Variants in NUDCD3 observed in about 807,000 individuals in gnomAD.
NUDCD3 encodes the protein NudC domain containing 3.
NUDCD3 carries 13 observed loss-of-function variants against 39.7 expected under a neutral mutation model. The observed-to-expected ratio is 0.33, with a 90% confidence interval of 0.21 to 0.52. The LOEUF is 0.52. NUDCD3 is among the 20% of genes least tolerant of loss of function. The pLI, the probability that NUDCD3 is intolerant of heterozygous loss-of-function variation, is 0.96. For missense variants in NUDCD3, 453 were observed against 458.1 expected (o/e 0.99, Z 0.10); for synonymous variants, 175 against 172.4 (o/e 1.02, Z -0.12).
intron 2 of NUDCD3, among the ~76,000 whole-genome samples, chr7:44,448,778 A>AAG (rs760907160): frequency 8.6e-5 from 13 of 151,996 alleles, no homozygotes; most frequent in Non-Finnish European, 1.8e-4. Context: ...AGAATACAGA[A>AAG]AGAGAGAGAG....
intron 2 of NUDCD3, among the ~76,000 whole-genome samples, chr7:44,464,834 A>T (rs1025643935): frequency 6.6e-6 from 1 of 152,158 alleles, no homozygotes; most frequent in Non-Finnish European, 1.5e-5. Flanking sequence ...TCCCCATTCC[A>T]GCTTTTAGAT....
chr7:44,449,867 A>C (rs1434846189), intron 2 of NUDCD3, among the ~76,000 whole-genome samples: 9 of 151,782 alleles, frequency 5.9e-5, no homozygotes, highest in African/African-American at 2.2e-4. Context: ...AAAAAAAAAA[A>C]AACTGATACA....
At chr7:44,443,745 G>C (rs1799636862) in intron 2 of NUDCD3, among the ~76,000 whole-genome samples, 2 of 152,142 alleles carry the variant, frequency 1.3e-5, no homozygotes, top group African/African-American at 4.8e-5. Flanking sequence ...GCTGGATGCT[G>C]TTTAGGCTGA....
chr7:44,441,982 A>T (rs1316460663), intron 2 of NUDCD3, among the ~76,000 whole-genome samples: 1 of 152,094 alleles, frequency 6.6e-6, no homozygotes, highest in Non-Finnish European at 1.5e-5. Context: ...CCTCCAACTC[A>T]CTGTGCCCTT....
At chr7:44,386,663 G>A (rs879228588) in intron 5 of NUDCD3, among the ~76,000 whole-genome samples, 2 of 152,194 alleles carry the variant, frequency 1.3e-5, no homozygotes, top group Non-Finnish European at 2.9e-5. Context: ...TGGCACGGAG[G>A]AAGAAACCTC....
At position 44,404,436 on chromosome 7, in the gene NUDCD3, T is replaced by A. The variant is rs1188214666; in HGVS notation, c.786+4A>T. On this transcript the variant is annotated splice_donor_region_variant and intron_variant, in intron 4 of 5. Coordinates refer to ENST00000355451, the MANE Select transcript of NUDCD3 (RefSeq NM_015332.4). ...GAGCCCTACACACAGGTGCCCAAAC[T>A]TACCAAAACGCACTTCCCGGGCTCG... is the stretch of plus-strand genomic sequence containing the variant. 1 of 1,613,120 alleles carries A rather than the reference T, an allele frequency of 6.2e-7. No individual in the cohort carries two copies. Among genetic ancestry groups the A allele is most frequent in the African/African-American group, 1.3e-5 (1 of 74,712 alleles).
chr7:44,404,518 G>C lies in NUDCD3; in HGVS notation c.708C>G (p.Val236=). 1.9e-6 allele frequency: 3 copies of C among 1,613,960 alleles called. No homozygotes were observed. Among genetic ancestry groups the C allele is most frequent in the Non-Finnish European group, 2.5e-6 (3 of 1,179,984 alleles). Residue 236 remains valine (V), a synonymous_variant, in exon 4 of 6, where the codon GTC becomes GTG. Transcript: ENST00000355451. ...TGTGGGTGAGCTTCCCTTCCATGAG[G>C]ACGCGCTCCCCATTTTCCTCCAGCA... ...VAMLEENGER[V]LMEGKLTHKI...
At chr7:44,418,409 A>G (rs2062939643) in intron 3 of NUDCD3, among the ~76,000 whole-genome samples, 1 of 152,242 alleles carries the variant, frequency 6.6e-6, no homozygotes, top group African/African-American at 2.4e-5. Context: ...AGGGAAAAGC[A>G]TAAGGTTTAG....
At chr7:44,484,690 G>C (rs1291071059) in intron 2 of NUDCD3, 1 of 357,234 alleles carries the variant, frequency 2.8e-6, no homozygotes, top group Non-Finnish European at 5.1e-6. Context: ...GATAAAGTTA[G>C]GTCTTTGTGA....
At chr7:44,488,089 C>A (rs1357235989) in intron 1 of NUDCD3, among the ~76,000 whole-genome samples, 1 of 152,158 alleles carries the variant, frequency 6.6e-6, no homozygotes, top group Non-Finnish European at 1.5e-5. Context: ...GTAATCCTAG[C>A]ACTTTAGGAG....
intron 4 of NUDCD3, among the ~76,000 whole-genome samples, chr7:44,399,752 T>A (rs1798686417): frequency 6.6e-6 from 1 of 152,146 alleles, no homozygotes; most frequent in Non-Finnish European, 1.5e-5. Context: ...GAGGCTGCAG[T>A]TACACTAGAA....
At chr7:44,453,878 G>A (rs562732080) in intron 2 of NUDCD3, among the ~76,000 whole-genome samples, 23 of 151,974 alleles carry the variant, frequency 1.5e-4, no homozygotes, top group East Asian at 3.9e-4. Context: ...GCCCCATCTC[G>A]ACAAAAATAA....
At chr7:44,397,209 G>A (rs116059993) in intron 4 of NUDCD3, among the ~76,000 whole-genome samples, 135 of 152,314 alleles carry the variant, frequency 8.9e-4, no homozygotes, top group African/African-American at 3.0e-3. Context: ...CCTCCTTTGA[G>A]TGTGGGGACT....
intron 2 of NUDCD3, among the ~76,000 whole-genome samples, chr7:44,442,530 G>A (rs1339280981): frequency 6.6e-6 from 1 of 152,098 alleles, no homozygotes; most frequent in Admixed American, 6.5e-5. Context: ...TCAGCCCCAC[G>A]AGGGCTGAAG....
chr7:44,453,431 G>A (rs983068316), intron 2 of NUDCD3, among the ~76,000 whole-genome samples: 2 of 152,042 alleles, frequency 1.3e-5, no homozygotes, highest in African/African-American at 4.8e-5. Context: ...GGTTTCTTTG[G>A]AAGATAAGCT....
At chr7:44,402,224 CA>C (rs1280874084) in intron 4 of NUDCD3, among the ~76,000 whole-genome samples, 1 of 152,178 alleles carries the variant, frequency 6.6e-6, no homozygotes, top group Admixed American at 6.5e-5. Flanking sequence ...AATAAGTTTG[CA>C]GAGAATTAAA....
intron 2 of NUDCD3, among the ~76,000 whole-genome samples, chr7:44,474,817 G>A (rs1218557904): frequency 6.6e-6 from 1 of 152,138 alleles, no homozygotes; most frequent in East Asian, 1.9e-4. Context: ...AAATCGCTTG[G>A]AGGCTTCTTA....
At chr7:44,478,180 A>T (rs890631489) in intron 2 of NUDCD3, among the ~76,000 whole-genome samples, 1 of 152,228 alleles carries the variant, frequency 6.6e-6, no homozygotes, top group African/African-American at 2.4e-5. Context: ...ATATAAGCAC[A>T]TTCTCTGATG....
chr7:44,484,932 C>T (rs1800572693), intron 2 of NUDCD3, 36 bp downstream of exon 2: 1 of 1,489,406 alleles, frequency 6.7e-7, no homozygotes, highest in African/African-American at 1.4e-5. Flanking sequence ...AGATGTTACG[C>T]AAGAAAGAAG....
Sources: gnomAD v4.1 joint callset for allele counts (sites outside exome capture counted in the v4.1 genomes callset) on GRCh38, gnomAD v4.1.1 for gene constraint, MANE v1.5 for transcripts, NCBI Gene and HGNC (gene_info 2026-07-23, HGNC 2026-07-21) for gene names.